The following SLC24A2 variants were observed in gnomAD, a reference collection of about 807,000 sequenced individuals.
SLC24A2 encodes solute carrier family 24 member 2, also known as sodium/potassium/calcium exchanger 2.
A neutral mutation model predicts 62.0 loss-of-function variants in SLC24A2; 36 were observed. The observed-to-expected ratio is 0.58, with a 90% confidence interval of 0.44 to 0.77. SLC24A2 has a LOEUF of 0.77. Ranked by LOEUF, SLC24A2 falls within the 30% of genes least tolerant of loss-of-function variation. The pLI is 0.00. For missense variants in SLC24A2, 846 were observed against 817.9 expected (o/e 1.03, Z -0.42); for synonymous variants, 358 against 294.0 (o/e 1.22, Z -2.23).
the SLC24A2 span, among the ~76,000 whole-genome samples, chr9:20,200,052 A>G: frequency 6.6e-6 from 1 of 151,934 alleles, no homozygotes; most frequent in African/African-American, 2.4e-5. Flanking sequence ...TTCATAATGA[A>G]TATAGTCAGA....
intron 2 of SLC24A2, among the ~76,000 whole-genome samples, chr9:19,636,319 C>CT (rs1554690372): frequency 0.096 from 4,066 of 42,252 alleles, 453 homozygotes; most frequent in Middle Eastern, 0.14. Flanking sequence ...CTTTTCTTTT[C>CT]TTTCTTTCTT....
chr9:19,963,841 C>T, the SLC24A2 span, among the ~76,000 whole-genome samples: 1 of 152,108 alleles, frequency 6.6e-6, no homozygotes, highest in African/African-American at 2.4e-5. Flanking sequence ...ACTAGAAATA[C>T]CATTTGACCC....
the SLC24A2 span, among the ~76,000 whole-genome samples, chr9:20,016,812 A>C: frequency 1.3e-5 from 2 of 152,184 alleles, no homozygotes; most frequent in Non-Finnish European, 2.9e-5. Context: ...TTCTCTGAAG[A>C]GGAGAGTGAA....
chr9:19,847,069 G>A, the SLC24A2 span, among the ~76,000 whole-genome samples: 2 of 151,964 alleles, frequency 1.3e-5, no homozygotes, highest in Non-Finnish European at 2.9e-5. Flanking sequence ...ATAATTTTTA[G>A]GTAAAAACAG....
the SLC24A2 span, among the ~76,000 whole-genome samples, chr9:20,057,710 C>T: frequency 6.6e-6 from 1 of 152,180 alleles, no homozygotes; most frequent in African/African-American, 2.4e-5. Flanking sequence ...GGTTCCTCTT[C>T]TACTTGTAAG....
the SLC24A2 span, among the ~76,000 whole-genome samples, chr9:20,277,804 C>A: frequency 1.3e-5 from 2 of 152,204 alleles, no homozygotes; most frequent in Non-Finnish European, 2.9e-5. Flanking sequence ...TACTGCAGCA[C>A]TGTTCACAAT....
the SLC24A2 span, among the ~76,000 whole-genome samples, chr9:19,875,588 TGTCACCATTTTGAAG>T: frequency 6.6e-6 from 1 of 152,162 alleles, no homozygotes; most frequent in African/African-American, 2.4e-5. Context: ...CAAAGAAACT[TGTCACCATTTTGAAG>T]ACAGTGAGGG....
At chr9:19,934,928 ATGGCCT>A in the SLC24A2 span, among the ~76,000 whole-genome samples, 2 of 151,948 alleles carry the variant, frequency 1.3e-5, no homozygotes, top group Non-Finnish European at 2.9e-5. This position sits in a 1 kb window ranked among gnomAD's most constrained non-coding sequence, Gnocchi z 4.1. Flanking sequence ...CAGGGGTCTC[ATGGCCT>A]TGAGATATGG....
intron 2 of SLC24A2, among the ~76,000 whole-genome samples, chr9:19,671,234 T>C (rs889893458): frequency 6.6e-6 from 1 of 151,850 alleles, no homozygotes; most frequent in Non-Finnish European, 1.5e-5. Context: ...CAGCAGTGTT[T>C]CATAGTTTTC....
At chr9:20,180,912 G>T in the SLC24A2 span, among the ~76,000 whole-genome samples, 2 of 152,266 alleles carry the variant, frequency 1.3e-5, no homozygotes, top group South Asian at 4.2e-4. Context: ...TGCTTGCCCT[G>T]AACTAAGCTT....
the SLC24A2 span, among the ~76,000 whole-genome samples, chr9:20,255,701 A>G: frequency 6.6e-6 from 1 of 152,184 alleles, no homozygotes; most frequent in Non-Finnish European, 1.5e-5. Context: ...AGATCTTTAG[A>G]GTTGGTCCTA....
chr9:20,185,367 T>A, the SLC24A2 span, among the ~76,000 whole-genome samples: 6 of 151,664 alleles, frequency 4.0e-5, no homozygotes, highest in Non-Finnish European at 5.9e-5. Flanking sequence ...AAATAAATTT[T>A]AAAAAAAGAA....
At chr9:19,792,645 G>A (rs1434374879), upstream of SLC24A2, among the ~76,000 whole-genome samples, 1 of 151,684 alleles carries the variant, frequency 6.6e-6, no homozygotes, top group Non-Finnish European at 1.5e-5. Flanking sequence ...GATGCGGAGG[G>A]TGCAGTGAGC....
chr9:19,948,837 T>A, the SLC24A2 span, among the ~76,000 whole-genome samples: 1 of 75,544 alleles, frequency 1.3e-5, no homozygotes, highest in East Asian at 3.6e-4. Context: ...AGAACGAGAC[T>A]CCGTCTCAAA....
At chr9:19,891,051 CTCT>C in the SLC24A2 span, among the ~76,000 whole-genome samples, 1 of 152,232 alleles carries the variant, frequency 6.6e-6, no homozygotes, top group Non-Finnish European at 1.5e-5. Flanking sequence ...CCTTTGATTT[CTCT>C]TCTTTGCACG....
chr9:19,680,851 T>TTGTGTGAGTGTGTGTG (rs1554697846), intron 2 of SLC24A2, among the ~76,000 whole-genome samples: 238 of 147,072 alleles, frequency 1.6e-3, no homozygotes, highest in African/African-American at 4.7e-3. Flanking sequence ...TATACCAGAG[T>TTGTGTGAGTGTGTGTG]TGTGTGTGTG....
intron 2 of SLC24A2, among the ~76,000 whole-genome samples, chr9:19,666,368 T>G (rs1041275562): frequency 2.0e-5 from 3 of 152,166 alleles, no homozygotes; most frequent in Non-Finnish European, 4.4e-5. Context: ...ATTGCACCAC[T>G]GCACTCCAGC....
intron 2 of SLC24A2, among the ~76,000 whole-genome samples, chr9:19,629,507 A>G (rs1274712426): frequency 6.6e-6 from 1 of 152,180 alleles, no homozygotes; most frequent in Non-Finnish European, 1.5e-5. Flanking sequence ...ATCACTTACT[A>G]TTGTCATGAT....
chr9:19,850,979 AT>A, the SLC24A2 span, among the ~76,000 whole-genome samples: 1 of 42,980 alleles, frequency 2.3e-5, no homozygotes, highest in Non-Finnish European at 4.8e-5. Flanking sequence ...ATATATATAT[AT>A]ATATGTATAT....
Sources: gnomAD v4.1 joint callset for allele counts (sites outside exome capture counted in the v4.1 genomes callset) on GRCh38, gnomAD v4.1.1 for gene constraint, Gnocchi (gnomAD v3.1) non-coding constraint, MANE v1.5 for transcripts, NCBI Gene and HGNC (gene_info 2026-07-23, HGNC 2026-07-21) for gene names.